Variants in GPHN observed in about 807,000 individuals in gnomAD.
The protein encoded by GPHN is gephyrin.
GPHN carries 17 observed loss-of-function variants against 95.5 expected under a neutral mutation model. The observed-to-expected ratio is 0.18, with a 90% CI of 0.12 to 0.27. The LOEUF (loss-of-function observed/expected upper bound fraction) is 0.27. GPHN is among the 10% of genes least tolerant of loss of function. The pLI, the probability that GPHN is intolerant of heterozygous loss-of-function variation, is 1.00. For missense variants in GPHN, 660 were observed against 978.1 expected, an observed-to-expected ratio of 0.67 and a Z score of 4.34; for synonymous variants, 320 against 322.5, an observed-to-expected ratio of 0.99 and a Z score of 0.08.
intron 17 of GPHN, among the ~76,000 whole-genome samples, chr14:67,133,710 C>G (rs2079865417): frequency 6.6e-6 from 1 of 152,158 alleles, no homozygotes. Context: ...AGTACATACA[C>G]TTTTGAGAAA....
At chr14:66,938,444 G>A (rs559317289) in intron 8 of GPHN, among the ~76,000 whole-genome samples, 144 of 152,192 alleles carry the variant, frequency 9.5e-4, no homozygotes, top group Middle Eastern at 6.8e-3. Flanking sequence ...ATTTCCTTCT[G>A]TATTCCTTTT....
At chr14:67,469,831 C>G in the GPHN span, among the ~76,000 whole-genome samples, 1 of 152,308 alleles carries the variant, frequency 6.6e-6, no homozygotes, top group South Asian at 2.1e-4. Context: ...AAGTAAAGGG[C>G]TCTGGCCTTC....
intron 11 of GPHN, among the ~76,000 whole-genome samples, chr14:67,082,286 T>G (rs1595063235): frequency 6.6e-6 from 1 of 152,194 alleles, no homozygotes. Context: ...CAGCAGTGTT[T>G]TGTAGTTTTC....
the GPHN span, among the ~76,000 whole-genome samples, chr14:67,632,977 C>T: frequency 4.6e-5 from 7 of 151,722 alleles, no homozygotes; most frequent in South Asian, 4.2e-4. Flanking sequence ...CCCGCCACCA[C>T]GCCCGGCTAA....
chr14:67,408,009 C>T, the GPHN span, among the ~76,000 whole-genome samples: 11 of 151,934 alleles, frequency 7.2e-5, no homozygotes, highest in Non-Finnish European at 1.2e-4. Flanking sequence ...AATAGAGGGC[C>T]GGGCATGGTG....
chr14:67,322,844 G>A, the GPHN span, among the ~76,000 whole-genome samples: 33 of 152,246 alleles, frequency 2.2e-4, no homozygotes, highest in African/African-American at 3.1e-4. Context: ...TTGATAGAGC[G>A]TGTCAGTTTG....
intron 10 of GPHN, among the ~76,000 whole-genome samples, chr14:67,035,552 C>T (rs1457664709): frequency 6.6e-6 from 1 of 151,788 alleles, no homozygotes; most frequent in Non-Finnish European, 1.5e-5. Flanking sequence ...GACATTGCAA[C>T]TGATGCTTCG....
chr14:67,395,306 G>A, the GPHN span: 3 of 1,056,300 alleles, frequency 2.8e-6, no homozygotes, highest in Middle Eastern at 3.1e-4. Flanking sequence ...GCCAGACTGT[G>A]CAGCAAGCAC....
chr14:66,839,900 C>T (rs2062006240), intron 4 of GPHN, among the ~76,000 whole-genome samples: 1 of 152,082 alleles, frequency 6.6e-6, no homozygotes, highest in African/African-American at 2.4e-5. Context: ...TTCGAGATGG[C>T]GCTGCTCTGT....
At chr14:66,813,549 G>T (rs2060843843) in intron 3 of GPHN, among the ~76,000 whole-genome samples, 1 of 152,242 alleles carries the variant, frequency 6.6e-6, no homozygotes, top group Non-Finnish European at 1.5e-5. Flanking sequence ...ACCCCAGCAG[G>T]AGGGGACCCC....
chr14:67,692,205 T>G, the GPHN span: 64 of 472,406 alleles, frequency 1.4e-4, no homozygotes, highest in African/African-American at 1.3e-3. Flanking sequence ...ATGAGATTTC[T>G]GGCTTCAGCT....
chr14:66,584,232 G>A (rs1362895150), intron 1 of GPHN, among the ~76,000 whole-genome samples: 1 of 152,106 alleles, frequency 6.6e-6, no homozygotes, highest in East Asian at 1.9e-4. Flanking sequence ...TTTGCACATT[G>A]AGTTTGTATC....
At chr14:67,280,687 C>T in the GPHN span, among the ~76,000 whole-genome samples, 1 of 152,164 alleles carries the variant, frequency 6.6e-6, no homozygotes, top group Non-Finnish European at 1.5e-5. Flanking sequence ...CAGGCCAGAG[C>T]TGTGGCTACC....
chr14:67,147,472 G>A (rs1470865060), intron 18 of GPHN, among the ~76,000 whole-genome samples: 1 of 152,112 alleles, frequency 6.6e-6, no homozygotes, highest in African/African-American at 2.4e-5. Flanking sequence ...ATTCTCTTTT[G>A]AGATACATAT....
At chr14:67,274,464 C>T in the GPHN span, among the ~76,000 whole-genome samples, 1 of 152,006 alleles carries the variant, frequency 6.6e-6, no homozygotes, top group Non-Finnish European at 1.5e-5. Context: ...GGGCTCTGTT[C>T]TGTTCCATTG....
the GPHN span, among the ~76,000 whole-genome samples, chr14:67,519,714 GT>G: frequency 0.35 from 51,452 of 144,994 alleles, 9,042 homozygotes; most frequent in Non-Finnish European, 0.39. Context: ...CTGTAAGTTT[GT>G]TTTTTTTTTT....
At chr14:67,709,985 AT>A in the GPHN span, among the ~76,000 whole-genome samples, 1 of 152,224 alleles carries the variant, frequency 6.6e-6, no homozygotes. Flanking sequence ...GGAAAGGCTA[AT>A]CAGAAACTCA....
chr14:66,664,997 A>C (rs2065868358), intron 1 of GPHN, among the ~76,000 whole-genome samples: 1 of 150,326 alleles, frequency 6.7e-6, no homozygotes, highest in Admixed American at 6.6e-5. Context: ...ACCAAAAAAA[A>C]AAAAAAAAAA....
At chr14:67,190,519 G>A in the GPHN span, among the ~76,000 whole-genome samples, 4 of 152,246 alleles carry the variant, frequency 2.6e-5, no homozygotes, top group Middle Eastern at 3.4e-3. Context: ...CGTTGTGCCC[G>A]GCCTGTTTTG....
Sources: gnomAD v4.1 joint callset for allele counts (sites outside exome capture counted in the v4.1 genomes callset) on GRCh38, gnomAD v4.1.1 for gene constraint, MANE v1.5 for transcripts, NCBI Gene and HGNC (gene_info 2026-07-23, HGNC 2026-07-21) for gene names.